The following LTN1 variants were observed in gnomAD, a reference collection of about 807,000 sequenced individuals.
LTN1 encodes E3 ubiquitin-protein ligase listerin.
LTN1 carries 88 observed loss-of-function variants against 201.2 expected under a neutral mutation model. The observed-to-expected ratio is 0.44, with a 90% CI of 0.37 to 0.52. The LOEUF is 0.52. LTN1 is among the 20% of genes least tolerant of loss of function. The pLI is 0.00. For synonymous variants in LTN1, 645 were observed against 713.5 expected (o/e 0.90, Z 1.53); for missense variants, 1,752 against 2,038.7 (o/e 0.86, Z 2.71).
intron 18 of LTN1, among the ~76,000 whole-genome samples, chr21:28,950,377 C>T (rs1342579883): frequency 6.6e-6 from 1 of 152,118 alleles, no homozygotes; most frequent in African/African-American, 2.4e-5. Flanking sequence ...GGTAAATATA[C>T]ATCCATCTCC....
intron 13 of LTN1, among the ~76,000 whole-genome samples, chr21:28,958,907 AAGAG>A (rs1032968932): frequency 7.9e-5 from 12 of 152,236 alleles, no homozygotes; most frequent in African/African-American, 1.9e-4. Flanking sequence ...GCAGAAAAAA[AAGAG>A]AGAGAGAAAG....
At chr21:28,948,174 A>G (rs1434970269) in intron 18 of LTN1, among the ~76,000 whole-genome samples, 1 of 86,622 alleles carries the variant, frequency 1.2e-5, no homozygotes, top group African/African-American at 4.7e-5. Flanking sequence ...CCCTGGTGAT[A>G]AAGCAAAACT....
At chr21:28,957,288 C>A in intron 15 of LTN1, 44 bp downstream of exon 15, 1 of 1,495,364 alleles carries the variant, frequency 6.7e-7, no homozygotes, top group Non-Finnish European at 9.0e-7. Context: ...TGCATGAAAT[C>A]CAAACTTCAG....
chr21:28,935,493 A>T (rs2084247754), intron 26 of LTN1, among the ~76,000 whole-genome samples, 164 bp from the exon 27 acceptor site: 1 of 152,230 alleles, frequency 6.6e-6, no homozygotes, highest in South Asian at 2.1e-4. Flanking sequence ...GAGTATGAGC[A>T]TCTTTCCACA....
In LTN1 at chr21:28,956,835, T is replaced by C. The variant is rs977675997; in HGVS notation, c.3006A>G (p.Ala1002=). ...KTLPSHLCTS[A]LLSKMVLIAL... ...CAATTAAGACCATTTTGCTCAATAA[T>C]GCTGAAGTACACAAATGGCTGGGAA... is the stretch of plus-strand genomic sequence containing the variant. Residue 1002 remains alanine (A), a synonymous_variant, in exon 16 of 30, where the codon GCA becomes GCG. Coordinates refer to ENST00000361371, the MANE Select transcript of LTN1 (RefSeq NM_015565.3). 1.2e-6 allele frequency: 2 copies of C among 1,612,314 alleles called. No individual in the cohort carries two copies. The highest frequency in any genetic ancestry group is 1.7e-6 in the Non-Finnish European group (2 of 1,178,842).
intron 1 of LTN1, among the ~76,000 whole-genome samples, chr21:28,987,664 A>G (rs2084708701): frequency 6.6e-6 from 1 of 152,206 alleles, no homozygotes; most frequent in South Asian, 2.1e-4. Context: ...GTCTTCTACT[A>G]AAAGGAGGTG....
Position 28,957,406 on chromosome 21 carries a change from T to A in LTN1, c.2818A>T (p.Met940Leu), listed in dbSNP as rs144146451. Residue 940 changes from methionine to leucine, a missense_variant, in exon 15 of 30, where the codon ATG becomes TTG. Transcript: ENST00000361371. The stretch of plus-strand genomic sequence containing the variant: ...ATTACACTTCCAATATAAACTCCCA[T>A]AAGATAAGAATCTTCACTCTCTAGA... ...TLLESEDSYL[M>L]GVYIGSVMPN... 1.5e-3 allele frequency: 2,337 copies of A among 1,608,074 alleles called. 2 individuals are homozygous for A. Among genetic ancestry groups the A allele is most frequent in the Non-Finnish European group, 1.9e-3 (2,185 of 1,177,942 alleles).
At chr21:28,975,006 T>C (rs1393877271) in intron 6 of LTN1, among the ~76,000 whole-genome samples, 1 of 151,886 alleles carries the variant, frequency 6.6e-6, no homozygotes, top group Non-Finnish European at 1.5e-5. Context: ...ACCCTTTGGA[T>C]AAATATAAAA....
intron 19 of LTN1, among the ~76,000 whole-genome samples, 178 bp downstream of exon 19, chr21:28,947,286 C>T (rs1209263266): frequency 6.6e-6 from 1 of 152,138 alleles, no homozygotes; most frequent in Non-Finnish European, 1.5e-5. Flanking sequence ...TAAGGCCCAG[C>T]ATTTTTGTAC....
Position 28,958,387 on chromosome 21 carries a change from T to C in LTN1, c.2746A>G (p.Ser916Gly). ...GAAACCAAGCTCAAAAAAGGTTACCTGTTGATATCCAAAGATGAAGCCTGA... is the reference window on the plus strand; with the variant it reads ...GAAACCAAGCTCAAAAAAGGTTACCCGTTGATATCCAAAGATGAAGCCTGA... ...QVQASSLDIN[S>G]LQVLLSAVDD... The change falls in exon 14 of 30, where the codon AGT becomes GGT. Residue 916 changes from serine to glycine, a missense_variant and splice_region_variant. Around this residue, in one of 3 missense-constraint regions of LTN1, gnomAD observed 1,211 missense variants for 1,312.8 expected, o/e 0.92. Coordinates refer to ENST00000361371, the MANE Select transcript of LTN1 (RefSeq NM_015565.3). 6.3e-7 allele frequency: 1 copy of C among 1,596,988 alleles called. No homozygotes were observed. The highest frequency in any genetic ancestry group is 1.4e-5 in the African/African-American group (1 of 73,524).
intron 24 of LTN1, among the ~76,000 whole-genome samples, chr21:28,942,114 T>C (rs892590453): frequency 6.6e-6 from 1 of 152,222 alleles, no homozygotes; most frequent in Non-Finnish European, 1.5e-5. Context: ...GTGATCGTTC[T>C]TCCCTTGTGG....
chr21:28,931,229 T>C lies in LTN1; in HGVS notation c.5164A>G (p.Ile1722Val). ...VEDCMICFSV[I>V]HGFNYSLPKK... ...GGAAGGGAATAGTTGAAACCGTGAA[T>C]GACTGAGAAACAGATCATGCAATCT... Residue 1722 changes from isoleucine (I) to valine (V), a missense_variant, in exon 29 of 30, where the codon ATT becomes GTT. Coordinates refer to ENST00000361371, the MANE Select transcript of LTN1 (RefSeq NM_015565.3). 1 of 1,613,492 alleles carries C rather than the reference T, an allele frequency of 6.2e-7. No homozygotes were observed. Among genetic ancestry groups the C allele is most frequent in the Non-Finnish European group, 8.5e-7 (1 of 1,179,458 alleles).
intron 4 of LTN1, 136 bp downstream of exon 4, chr21:28,984,556 T>G (rs2084682412): frequency 1.8e-6 from 1 of 559,868 alleles, no homozygotes; most frequent in East Asian, 3.0e-5. Flanking sequence ...AACAGAATTT[T>G]AAAAAGGCAA....
chr21:28,960,507 T>A lies in LTN1; in HGVS notation c.2353+10A>T. Reference sequence around the variant, plus strand: ...TCCCCATTAGAAAACAAAAGCCATATTTGTCCTACCATTTTTAACATGTTG... The same window carrying A: ...TCCCCATTAGAAAACAAAAGCCATAATTGTCCTACCATTTTTAACATGTTG... On this transcript the variant is annotated intron_variant, in intron 12 of 29. Transcript: ENST00000361371. 1 of 1,603,780 alleles carries A rather than the reference T, an allele frequency of 6.2e-7. No homozygotes were observed. Among genetic ancestry groups the A allele is most frequent in the Non-Finnish European group, 8.5e-7 (1 of 1,173,944 alleles).
Position 28,971,252 on chromosome 21 carries a change from A to C in LTN1, c.984+19T>G, listed in dbSNP as rs2084571811. The C allele has an allele frequency of 1.9e-6, 3 of 1,590,390 alleles. No homozygotes were observed. The highest frequency in any genetic ancestry group is 2.6e-6 in the Non-Finnish European group (3 of 1,166,432). ...ATAGGTTCATTCCTCAGTGTACTAAATGTGCCTCTCTTACATACCTCAATA... is the reference window on the plus strand; with the variant it reads ...ATAGGTTCATTCCTCAGTGTACTAACTGTGCCTCTCTTACATACCTCAATA... On this transcript the variant is annotated intron_variant, in intron 7 of 29. Coordinates refer to ENST00000361371, the MANE Select transcript of LTN1 (RefSeq NM_015565.3).
intron 3 of LTN1, 117 bp from the exon 4 acceptor site, chr21:28,985,039 C>G (rs2084686743): frequency 1.6e-6 from 1 of 612,800 alleles, no homozygotes; most frequent in Non-Finnish European, 2.8e-6. Context: ...TTAAGCTAAA[C>G]TGAAATCATT....
chr21:28,936,485 T>C lies in LTN1; in HGVS notation c.4654+41A>G, dbSNP rs2084257874. 6.0e-6 allele frequency: 9 copies of C among 1,508,398 alleles called. No homozygotes were observed. The African/African-American group carries it at 6.9e-5, about 12-fold the overall frequency. The allele number at this position is 1,508,398 out of a possible 1,614,324, so 93.4% of individuals were successfully genotyped here. Reference sequence around the variant, plus strand: ...AAAGTTTAATTCAACCTAGTCTGAATCTAGTGTCCAAGAAAGAACATAAAC... The same window carrying C: ...AAAGTTTAATTCAACCTAGTCTGAACCTAGTGTCCAAGAAAGAACATAAAC... On this transcript the variant is annotated intron_variant, in intron 26 of 29. Transcript: ENST00000361371.
At chr21:28,978,102 C>T (rs1054705236) in intron 6 of LTN1, among the ~76,000 whole-genome samples, 2 of 151,908 alleles carry the variant, frequency 1.3e-5, no homozygotes, top group Admixed American at 6.6e-5. Context: ...AATCATGGCT[C>T]GCTGCAGCCT....
intron 25 of LTN1, among the ~76,000 whole-genome samples, chr21:28,936,972 C>T (rs1253140632): frequency 6.6e-6 from 1 of 152,154 alleles, no homozygotes; most frequent in Non-Finnish European, 1.5e-5. Flanking sequence ...ACATTCCTTC[C>T]ACACCATTGC....
Sources: gnomAD v4.1 joint callset for allele counts (sites outside exome capture counted in the v4.1 genomes callset) on GRCh38, gnomAD v4.1.1 for gene constraint, gnomAD v4.1.1 regional missense constraint, MANE v1.5 for transcripts, NCBI Gene and HGNC (gene_info 2026-07-23, HGNC 2026-07-21) for gene names.